SAMD12: variants seen among roughly 807,000 people sequenced by gnomAD.
SAMD12 encodes sterile alpha motif domain containing 12, also known as sterile alpha motif domain-containing protein 12.
In SAMD12, 9 loss-of-function variants were observed where a neutral mutation model predicts 15.0. The observed-to-expected ratio is 0.60, with a 90% confidence interval of 0.36 to 1.05. SAMD12 has a LOEUF of 1.05. Among genes scored for constraint, SAMD12 ranks in the 50% least tolerant of loss-of-function variants. The pLI is 0.01. For synonymous variants in SAMD12, 86 were observed against 90.1 expected, an observed-to-expected ratio of 0.96 and a Z score of 0.25; for missense variants, 230 against 234.2, an observed-to-expected ratio of 0.98 and a Z score of 0.12.
chr8:118,497,723 C>CGGGGGGGG (rs57304177), intron 2 of SAMD12, among the ~76,000 whole-genome samples: 6 of 58,784 alleles, frequency 1.0e-4, no homozygotes, highest in Admixed American at 4.5e-4. Context: ...ACTTAAGTTG[C>CGGGGGGGG]GGGGGGGGGT....
chr8:118,175,057 CA>C, the SAMD12 span, among the ~76,000 whole-genome samples: 2 of 141,666 alleles, frequency 1.4e-5, no homozygotes, highest in Admixed American at 1.4e-4. Context: ...ACAAAAAAAA[CA>C]AACAAAAACC....
intron 3 of SAMD12, among the ~76,000 whole-genome samples, chr8:118,425,091 A>G (rs1303356479): frequency 1.3e-5 from 2 of 152,012 alleles, no homozygotes; most frequent in Non-Finnish European, 2.9e-5. Context: ...GGCGCCCGCC[A>G]CCACGCCCAG....
intron 4 of SAMD12, among the ~76,000 whole-genome samples, chr8:118,262,771 C>A (rs1233243763): frequency 6.6e-6 from 1 of 151,958 alleles, no homozygotes; most frequent in Non-Finnish European, 1.5e-5. Context: ...TAAGGGAGAT[C>A]TGAAGACTTT....
At chr8:118,348,313 C>A (rs1282781993) in intron 4 of SAMD12, among the ~76,000 whole-genome samples, 4 of 152,070 alleles carry the variant, frequency 2.6e-5, no homozygotes, top group Admixed American at 1.3e-4. Context: ...AAGTGATCCA[C>A]CTGCCTCGGC....
chr8:118,477,071 T>C (rs944482903), intron 2 of SAMD12, among the ~76,000 whole-genome samples: 5 of 9,418 alleles, frequency 5.3e-4, no homozygotes, highest in African/African-American at 1.4e-3. Flanking sequence ...TTTCTTTTTC[T>C]TTTTTTTTTT....
intron 2 of SAMD12, among the ~76,000 whole-genome samples, chr8:118,569,212 T>G (rs577912979): frequency 1.5e-3 from 221 of 152,302 alleles, no homozygotes; most frequent in Middle Eastern, 3.4e-3. Flanking sequence ...AATTCTACTC[T>G]TGACCTCATA....
chr8:118,557,175 CT>C (rs1175816483), intron 2 of SAMD12, among the ~76,000 whole-genome samples: 1 of 152,040 alleles, frequency 6.6e-6, no homozygotes, highest in Admixed American at 6.5e-5. Flanking sequence ...TCACTGGGGG[CT>C]TTTCCCCCCA....
the SAMD12 span, among the ~76,000 whole-genome samples, chr8:118,175,658 C>A: frequency 6.6e-6 from 1 of 152,066 alleles, no homozygotes; most frequent in African/African-American, 2.4e-5. Flanking sequence ...CAAAAAATAA[C>A]CCCACTAAAA....
chr8:118,293,475 T>C (rs897243881), intron 4 of SAMD12, among the ~76,000 whole-genome samples: 1 of 152,232 alleles, frequency 6.6e-6, no homozygotes, highest in Non-Finnish European at 1.5e-5. Flanking sequence ...GAAAAGACAA[T>C]ATATAACATT....
At chr8:118,167,169 C>T in the SAMD12 span, among the ~76,000 whole-genome samples, 1 of 152,102 alleles carries the variant, frequency 6.6e-6, no homozygotes, top group Non-Finnish European at 1.5e-5. Context: ...AGTTCTGTCA[C>T]TTCTTACTCC....
chr8:118,571,237 G>A (rs991635329), intron 2 of SAMD12, among the ~76,000 whole-genome samples: 1 of 152,188 alleles, frequency 6.6e-6, no homozygotes, highest in Non-Finnish European at 1.5e-5. Context: ...GCTGGAACAG[G>A]TTGGAGGGCT....
chr8:118,242,529 T>C (rs1812597311), intron 4 of SAMD12, among the ~76,000 whole-genome samples: 1 of 152,308 alleles, frequency 6.6e-6, no homozygotes, highest in East Asian at 1.9e-4. Context: ...TTAGTTGTTG[T>C]TAATCTTTTA....
At chr8:118,513,138 T>C (rs372390502) in intron 2 of SAMD12, among the ~76,000 whole-genome samples, 65 of 152,334 alleles carry the variant, frequency 4.3e-4, no homozygotes, top group East Asian at 3.3e-3. Flanking sequence ...AAATACTACA[T>C]AGTTGATGCA....
intron 4 of SAMD12, among the ~76,000 whole-genome samples, chr8:118,271,299 T>C (rs1293334367): frequency 1.3e-5 from 2 of 152,142 alleles, no homozygotes; most frequent in Admixed American, 6.5e-5. Context: ...TCAGCTCTCA[T>C]GATACCTCAC....
intron 4 of SAMD12, among the ~76,000 whole-genome samples, chr8:118,351,686 T>C (rs1260134629): frequency 2.0e-5 from 3 of 152,008 alleles, no homozygotes; most frequent in Admixed American, 1.3e-4. Flanking sequence ...AGTTGAGAAA[T>C]TGAGAGAGAA....
chr8:118,505,830 G>A (rs1824906061), intron 2 of SAMD12, among the ~76,000 whole-genome samples: 1 of 152,040 alleles, frequency 6.6e-6, no homozygotes, highest in Non-Finnish European at 1.5e-5. Flanking sequence ...CTCCACATCA[G>A]GATTTGTGGG....
chr8:118,197,812 TCAAA>T (rs886140815), intron 4 of SAMD12: 1 of 1,250,736 alleles, frequency 8.0e-7, no homozygotes, highest in Non-Finnish European at 1.2e-6. Context: ...ATTATCTTAT[TCAAA>T]CAAACCCTAA....
chr8:118,554,447 A>G (rs1016910999), intron 2 of SAMD12, among the ~76,000 whole-genome samples: 6 of 149,980 alleles, frequency 4.0e-5, no homozygotes, highest in Non-Finnish European at 7.4e-5. Flanking sequence ...AAAACCAAAC[A>G]CCGCATATTC....
chr8:118,158,293 G>C, the SAMD12 span, among the ~76,000 whole-genome samples: 1 of 152,252 alleles, frequency 6.6e-6, no homozygotes, highest in African/African-American at 2.4e-5. Context: ...CATGAAGATT[G>C]CCTGCTTACA....
Sources: allele counts gnomAD v4.1 joint callset (sites outside exome capture counted in the v4.1 genomes callset), GRCh38; gene constraint gnomAD v4.1.1; transcripts MANE v1.5; gene names NCBI Gene and HGNC (gene_info 2026-07-23, HGNC 2026-07-21).